MYO10: variants seen among roughly 807,000 people sequenced by gnomAD.
The protein encoded by MYO10 is unconventional myosin-X.
A neutral mutation model predicts 257.3 loss-of-function variants in MYO10; 133 were observed. That is an observed-to-expected ratio of 0.52 (90% CI 0.45 to 0.60). The LOEUF (loss-of-function observed/expected upper bound fraction) is 0.60. Ranked by LOEUF, MYO10 falls within the 20% of genes least tolerant of loss-of-function variation. MYO10 has a pLI of 0.00. For missense variants in MYO10, 2,399 were observed against 2,635.7 expected, an observed-to-expected ratio of 0.91 and a Z score of 1.97; for synonymous variants, 1,104 against 1,028.6, an observed-to-expected ratio of 1.07 and a Z score of -1.40.
chr5:16,727,848 C>A (rs1293549768), intron 19 of MYO10, among the ~76,000 whole-genome samples: 1 of 137,370 alleles, frequency 7.3e-6, no homozygotes, highest in Non-Finnish European at 1.5e-5. Context: ...AACTGGGGCA[C>A]ATACACTCCG....
intron 2 of MYO10, among the ~76,000 whole-genome samples, chr5:16,829,023 G>A (rs185234): frequency 0.75 from 114,433 of 152,118 alleles, 43,190 homozygotes; most frequent in South Asian, 0.83. Context: ...CCCTCCCTGC[G>A]AAGAGTTTAC....
rs368824070 is a variant in MYO10, at chr5:16,739,716, T to C, written c.1929+15112A>G. 4.7e-4 allele frequency among the ~76,000 whole-genome samples: 71 copies of C among 151,704 alleles called. 1 individual carries two copies. In the South Asian group the frequency reaches 0.014, roughly 31 times the overall value. On this transcript the variant is annotated intron_variant, in intron 19 of 40. Transcript: ENST00000513610. ...AGATTTATTAAGTTAAAAAAAAAAG[T>C]AGGTTACAAAATTAAGGTAAACTAT...
chr5:16,703,740 G>A (rs1472844968), intron 22 of MYO10, among the ~76,000 whole-genome samples: 2 of 152,054 alleles, frequency 1.3e-5, no homozygotes, highest in Admixed American at 1.3e-4. Flanking sequence ...AAATTAGCCA[G>A]GTGTGGTGGC....
rs868146941 is a variant in MYO10 at position 16,714,327 on chromosome 5, G to A, written c.1930-3082C>T. Among the ~76,000 whole-genome samples the A allele has an allele frequency of 2.6e-5, 4 of 152,134 alleles. 1 individual carries two copies. The Middle Eastern group carries it at 0.014, about 517-fold the overall frequency. On this transcript the variant is annotated intron_variant, in intron 19 of 40. Transcript: ENST00000513610. ...AAAAAACAGGAAGAAAAGCCAAGAG[G>A]AACCTGGCAGGTTCAGTCAACAGGA...
At chr5:16,854,067 G>C (rs2126739007) in intron 2 of MYO10, 1 of 152,242 alleles carries the variant, frequency 6.6e-6, no homozygotes, top group South Asian at 2.1e-4. Flanking sequence ...ATTGGGCCTG[G>C]TTAATACTCG....
Position 16,704,565 on chromosome 5 carries a change from C to T in MYO10, c.2276+14G>A, listed in dbSNP as rs375161907. ...GGAGCTTCCTGCCTTATCCCCTCAG[C>T]GTGGGGTTCTTACCGTGCTAAGAAG... On this transcript the variant is annotated intron_variant, in intron 22 of 40. Transcript: ENST00000513610. 2.2e-5 allele frequency: 35 copies of T among 1,609,218 alleles called. No individual in the cohort carries two copies. Among genetic ancestry groups the T allele is most frequent in the African/African-American group, 5.3e-5 (4 of 74,858 alleles).
rs58021066 is a variant in MYO10, at chr5:16,893,633, CAAAAAAAAA to C, written c.22-15935_22-15927del. On this transcript the variant is annotated intron_variant, in intron 1 of 40. Coordinates refer to ENST00000513610, the MANE Select transcript of MYO10 (RefSeq NM_012334.3). Reference sequence around the variant, plus strand: ...TGGGTGAGGGAGTGAGACTCTGTCTCAAAAAAAAAAAAAAAAAAAGAAAATTATTTCCCT... The same window carrying C: ...TGGGTGAGGGAGTGAGACTCTGTCTCAAAAAAAAAAGAAAATTATTTCCCT... Among the ~76,000 whole-genome samples the C allele has an allele frequency of 1.0e-3, 59 of 57,258 alleles. 1 individual carries two copies. Among genetic ancestry groups the C allele is most frequent in the African/African-American group, 3.3e-3 (54 of 16,360 alleles). 37.6% of individuals were successfully genotyped at this position (57,258 alleles called of 152,430 possible).
intron 2 of MYO10, among the ~76,000 whole-genome samples, chr5:16,842,590 C>T (rs1403925269): frequency 3.3e-5 from 5 of 152,140 alleles, no homozygotes; most frequent in South Asian, 2.1e-4. Context: ...CCCCTTCCCT[C>T]GCTCACAAAG....
rs539167385 is a variant in MYO10, at chr5:16,815,869, G to A, written c.279+2140C>T. Among the ~76,000 whole-genome samples, 9 of 150,784 alleles carry A rather than the reference G, an allele frequency of 6.0e-5. No homozygotes were observed. In the South Asian group the frequency reaches 1.9e-3, roughly 32 times the overall value. On this transcript the variant is annotated intron_variant, in intron 3 of 40. Transcript: ENST00000513610. Reference sequence around the variant, plus strand: ...TGCATCGCCACTTTCACACCAACAGGTATAAACATTACCTTTTCTGAACAT... The same window carrying A: ...TGCATCGCCACTTTCACACCAACAGATATAAACATTACCTTTTCTGAACAT...
chr5:16,837,377 G>A lies in MYO10; in HGVS notation c.121-19210C>T, dbSNP rs551000618. ...AAGTGAAAGAGTCCAGACACAAAAG[G>A]CTATATATTATTATGTTTCCATTTA... On this transcript the variant is annotated intron_variant, in intron 2 of 40. Transcript: ENST00000513610. Among the ~76,000 whole-genome samples the A allele has an allele frequency of 2.0e-5, 3 of 152,152 alleles. No homozygotes were observed. The South Asian group carries it at 6.2e-4, about 32-fold the overall frequency.
Position 16,679,973 on chromosome 5 carries a change from T to TG in MYO10, c.4515dup (p.Thr1506HisfsTer63), listed in dbSNP as rs1435835212. On this transcript the variant is annotated frameshift_variant, in exon 33 of 41. Coordinates refer to ENST00000513610, the MANE Select transcript of MYO10 (RefSeq NM_012334.3). LOFTEE classifies it high-confidence loss of function. The stretch of plus-strand genomic sequence containing the variant: ...TTGATATCTTGAATCAGCTGCTGGG[T>TG]GGGGGTGTCGATCGGGGCCTTGGTG... The TG allele has an allele frequency of 6.2e-7, 1 of 1,613,658 alleles. No individual in the cohort carries two copies. Among genetic ancestry groups the TG allele is most frequent in the Non-Finnish European group, 8.5e-7 (1 of 1,179,798 alleles).
At chr5:16,777,839 CTTTTTTTTTT>C (rs61326508) in intron 9 of MYO10, among the ~76,000 whole-genome samples, 10 of 88,482 alleles carry the variant, frequency 1.1e-4, no homozygotes, top group African/African-American at 4.8e-4. Flanking sequence ...TTGCATCTAA[CTTTTTTTTTT>C]TTTTTTTTTT....
At chr5:16,699,672 A>T in intron 25 of MYO10, 99 bp from the exon 26 acceptor site, 1 of 1,513,464 alleles carries the variant, frequency 6.6e-7, no homozygotes, top group East Asian at 2.3e-5. Context: ...ACAAAAATAC[A>T]GCTACTCAAG....
chr5:16,909,021 T>C (rs1445994583), intron 1 of MYO10, among the ~76,000 whole-genome samples: 1 of 152,252 alleles, frequency 6.6e-6, no homozygotes, highest in Non-Finnish European at 1.5e-5. Context: ...GACATTGTAT[T>C]AGTCCATTTT....
intron 1 of MYO10, among the ~76,000 whole-genome samples, chr5:16,881,819 G>C (rs1744762148): frequency 6.6e-6 from 1 of 152,122 alleles, no homozygotes; most frequent in African/African-American, 2.4e-5. Flanking sequence ...ACATTTACCA[G>C]ACCATCTAAG....
intron 1 of MYO10, among the ~76,000 whole-genome samples, chr5:16,879,993 C>T (rs990915892): frequency 1.3e-5 from 2 of 152,116 alleles, no homozygotes; most frequent in Non-Finnish European, 1.5e-5. Context: ...GCCTGGCCAA[C>T]GTGGTAAAAC....
chr5:16,901,245 T>C (rs976505550), intron 1 of MYO10, among the ~76,000 whole-genome samples: 1 of 152,000 alleles, frequency 6.6e-6, no homozygotes, highest in Non-Finnish European at 1.5e-5. Context: ...TCACATACAT[T>C]ACCTCCTCTC....
chr5:16,699,176 G>A (rs1174728311), intron 26 of MYO10, among the ~76,000 whole-genome samples: 2 of 152,174 alleles, frequency 1.3e-5, no homozygotes, highest in South Asian at 4.1e-4. Flanking sequence ...CAAATGCTTC[G>A]TCCTGCCACT....
At chr5:16,728,385 T>C (rs1015023443) in intron 19 of MYO10, among the ~76,000 whole-genome samples, 1 of 152,108 alleles carries the variant, frequency 6.6e-6, no homozygotes, top group African/African-American at 2.4e-5. Context: ...TCCTTGGGGA[T>C]GAGGTACCTG....
Sources: allele counts gnomAD v4.1 joint callset (sites outside exome capture counted in the v4.1 genomes callset), GRCh38; gene constraint gnomAD v4.1.1; transcripts MANE v1.5; gene names NCBI Gene and HGNC (gene_info 2026-07-23, HGNC 2026-07-21).